The following XKR5 variants were observed in gnomAD, a reference collection of about 807,000 sequenced individuals.
The protein encoded by XKR5 is XK related 5, also known as XK-related protein 5.
A neutral mutation model predicts 40.8 loss-of-function variants in XKR5; 46 were observed. That is an observed-to-expected ratio of 1.13 (90% confidence interval 0.89 to 1.44). The LOEUF (loss-of-function observed/expected upper bound fraction) is 1.44, where lower values mean the gene tolerates loss of function less well. XKR5 is among the 40% of genes most tolerant of loss of function. The pLI, the probability that XKR5 is intolerant of heterozygous loss-of-function variation, is 0.00. For synonymous variants in XKR5, 466 were observed against 356.1 expected (o/e 1.31, Z -3.48); for missense variants, 1,169 against 844.7 (o/e 1.38, Z -4.76).
chr8:6,820,994 G>T (rs1423058233), intron 5 of XKR5, among the ~76,000 whole-genome samples: 1 of 152,142 alleles, frequency 6.6e-6, no homozygotes, highest in Non-Finnish European at 1.5e-5. Context: ...ATTTTATTTG[G>T]TCTTTACAGG....
Position 6,811,762 on chromosome 8 carries a change from A to C in XKR5, c.1497T>G (p.Pro499=), listed in dbSNP as rs995556389. The C allele has an allele frequency of 7.2e-6, 11 of 1,537,432 alleles. No individual in the cohort carries two copies. In the African/African-American group the frequency reaches 1.4e-4, roughly 19 times the overall value. ...SFASDQQDEA[P]TQNPAATQGE... ...CCTGCGTGGCTGCTGGGTTCTGGGT[A>C]GGTGCTTCATCCTGCTGATCGCTGG... Residue 499 remains proline (P), a synonymous_variant, in exon 7 of 7, where the codon CCT becomes CCG. Transcript: ENST00000618742.
intron 2 of XKR5, among the ~76,000 whole-genome samples, chr8:6,826,463 G>A (rs1280814526): frequency 6.6e-6 from 1 of 152,118 alleles, no homozygotes; most frequent in Non-Finnish European, 1.5e-5. Flanking sequence ...TAGGGAGCAG[G>A]TGCAGGAAAT....
intron 2 of XKR5, chr8:6,829,029 A>G (rs13278685): frequency 0.2 from 30,663 of 152,108 alleles, 3,511 homozygotes; most frequent in East Asian, 0.36. Context: ...CCCTCCCTAC[A>G]TTGATGGAAA....
intron 2 of XKR5, among the ~76,000 whole-genome samples, chr8:6,826,212 A>G (rs1804469706): frequency 6.6e-6 from 1 of 152,134 alleles, no homozygotes; most frequent in Admixed American, 6.5e-5. Flanking sequence ...GCATATGTAT[A>G]TAGGCATTAT....
intron 5 of XKR5, among the ~76,000 whole-genome samples, chr8:6,817,508 C>A (rs1804017070): frequency 6.6e-6 from 1 of 152,090 alleles, no homozygotes; most frequent in Admixed American, 6.5e-5. Flanking sequence ...TACCTCCCCA[C>A]ACCGAGAGAC....
intron 3 of XKR5, among the ~76,000 whole-genome samples, chr8:6,824,173 A>C (rs1351105580): frequency 1.3e-5 from 2 of 152,212 alleles, no homozygotes; most frequent in African/African-American, 2.4e-5. Context: ...GAAAACATCA[A>C]ATGGTGTCAG....
Position 6,829,174 on chromosome 8 carries a change from G to C in XKR5, c.242+3543C>G, listed in dbSNP as rs558428031. The C allele has an allele frequency of 4.3e-4, 73 of 168,674 alleles. 1 individual carries two copies. In the South Asian group the frequency reaches 1.0e-2, roughly 23 times the overall value. The allele number at this position is 168,674 out of a possible 1,614,324, so 10.4% of individuals were successfully genotyped here. Reference sequence around the variant, plus strand: ...GCTGAACCTGTCTTACATACCTTTAGAGTTTACCTTAACTTTCCTTTTGAC... The same window carrying C: ...GCTGAACCTGTCTTACATACCTTTACAGTTTACCTTAACTTTCCTTTTGAC... On this transcript the variant is annotated intron_variant, in intron 2 of 6. Transcript: ENST00000618742.
intron 5 of XKR5, among the ~76,000 whole-genome samples, chr8:6,818,942 TGAG>T (rs1804091795): frequency 6.6e-6 from 1 of 152,190 alleles, no homozygotes; most frequent in Non-Finnish European, 1.5e-5. Flanking sequence ...CTCGGGAGGC[TGAG>T]GTGGGAGGAT....
rs929768522 is a variant in XKR5, at chr8:6,825,270, C to T, written c.322G>A (p.Asp108Asn). The change falls in exon 3 of 7, where the codon GAC becomes AAC. Residue 108 changes from aspartate to asparagine, a missense_variant. By Grantham distance (23) the Asp-to-Asn change is conservative. Transcript: ENST00000618742. The stretch of plus-strand genomic sequence containing the variant: ...TCCAAGAGTCGAAGGGCCGACAGGT[C>T]GGCCTCCTGCAGCTGCAGCCAGCCT... ...HRGWLQLQEADLSALRLLEAL... is the reference protein window; with the variant it reads ...HRGWLQLQEANLSALRLLEAL... The T allele has an allele frequency of 1.8e-5, 29 of 1,611,026 alleles. No individual in the cohort carries two copies. Among genetic ancestry groups the T allele is most frequent in the Middle Eastern group, 1.7e-4 (1 of 6,052 alleles).
intron 2 of XKR5, among the ~76,000 whole-genome samples, chr8:6,828,344 A>G (rs1450214541): frequency 6.6e-6 from 1 of 152,144 alleles, no homozygotes; most frequent in Non-Finnish European, 1.5e-5. Flanking sequence ...ACAGGGTACA[A>G]GGCACTGAAA....
chr8:6,821,834 C>G (rs746121570), intron 5 of XKR5, 35 bp downstream of exon 5: 1 of 1,599,554 alleles, frequency 6.3e-7, no homozygotes, highest in Non-Finnish European at 8.5e-7. Flanking sequence ...GCTGTATACA[C>G]TGTAAAAGTT....
chr8:6,834,645 C>T (rs1804925521), intron 1 of XKR5, among the ~76,000 whole-genome samples: 1 of 152,016 alleles, frequency 6.6e-6, no homozygotes, highest in Admixed American at 6.5e-5. Flanking sequence ...AGGGAAAAGT[C>T]CCAAGGCGGC....
At chr8:6,825,837 T>A (rs1217478597) in intron 2 of XKR5, among the ~76,000 whole-genome samples, 1 of 152,160 alleles carries the variant, frequency 6.6e-6, no homozygotes, top group African/African-American at 2.4e-5. Context: ...CTGCGAAAAC[T>A]GGGGCACATG....
intron 1 of XKR5, among the ~76,000 whole-genome samples, chr8:6,834,138 G>C (rs1328440189): frequency 1.3e-5 from 2 of 152,202 alleles, no homozygotes; most frequent in Non-Finnish European, 2.9e-5. Flanking sequence ...GGCCTCCTCA[G>C]GGTTGTCTGA....
In XKR5 at chr8:6,811,564, C is replaced by T. The variant is rs1190579429; in HGVS notation, c.1695G>A (p.Thr565=). 7.8e-6 allele frequency: 12 copies of T among 1,536,700 alleles called. No homozygotes were observed. The highest frequency in any genetic ancestry group is 2.7e-5 in the African/African-American group (2 of 73,044). ...TTCCCAGCCTCCTTCCAGAGTGGGC[C>T]GTTTGCAGAGTAGCTGGGCTGCCTT... The part of the protein sequence containing the change: ...QQEGSPATLQ[T]AHSGRRLGKS... Residue 565 remains threonine (T), a synonymous_variant, in exon 7 of 7, where the codon ACG becomes ACA. Transcript: ENST00000618742.
intron 6 of XKR5, 51 bp downstream of exon 6, chr8:6,815,756 A>T: frequency 7.3e-7 from 1 of 1,371,016 alleles, no homozygotes; most frequent in Non-Finnish European, 1.0e-6. Context: ...TGTAAAAAAA[A>T]AAAATACGTT....
chr8:6,834,667 A>G (rs1241943874), intron 1 of XKR5, among the ~76,000 whole-genome samples: 1 of 151,434 alleles, frequency 6.6e-6, no homozygotes, highest in Non-Finnish European at 1.5e-5. Flanking sequence ...TTCCCAGGGT[A>G]CCCCCTCTTC....
rs1339864491 is a variant in XKR5 at position 6,812,095 on chromosome 8, C to T, written c.1164G>A (p.Gly388=). 1.9e-6 allele frequency: 3 copies of T among 1,544,428 alleles called. No homozygotes were observed. Among genetic ancestry groups the T allele is most frequent in the East Asian group, 2.4e-5 (1 of 40,920 alleles). ...PTPEQVPPEA[G]LGTQVAVEDS... is the part of the protein sequence containing the mutation. ...CCTCCACAGCAACCTGGGTCCCCAG[C>T]CCAGCCTCTGGGGGGACCTGCTCAG... Residue 388 remains glycine (G), a synonymous_variant, in exon 7 of 7, where the codon GGG becomes GGA. Coordinates refer to ENST00000618742, the MANE Select transcript of XKR5 (RefSeq NM_207411.5).
intron 5 of XKR5, among the ~76,000 whole-genome samples, chr8:6,820,805 C>A (rs1804198322): frequency 6.6e-6 from 1 of 152,122 alleles, no homozygotes; most frequent in African/African-American, 2.4e-5. Context: ...CTATATGGGT[C>A]CTAAAATCAG....
Sources: allele counts gnomAD v4.1 joint callset (sites outside exome capture counted in the v4.1 genomes callset), GRCh38; gene constraint gnomAD v4.1.1; transcripts MANE v1.5; gene names NCBI Gene and HGNC (gene_info 2026-07-23, HGNC 2026-07-21).